PPP1R9A: variants seen among roughly 807,000 people sequenced by gnomAD.
PPP1R9A encodes neurabin-1.
A neutral mutation model predicts 141.9 loss-of-function variants in PPP1R9A; 59 were observed. That is an observed-to-expected ratio of 0.42 (90% CI 0.34 to 0.52). The LOEUF (loss-of-function observed/expected upper bound fraction) is 0.52, where lower values mean the gene tolerates loss of function less well. Among genes scored for constraint, PPP1R9A ranks in the 20% least tolerant of loss-of-function variants. PPP1R9A has a pLI of 0.10. For synonymous variants in PPP1R9A, 500 were observed against 569.7 expected (o/e 0.88, Z 1.74); for missense variants, 1,444 against 1,611.9 (o/e 0.90, Z 1.78).
At chr7:94,934,839 C>T (rs767636884) in intron 2 of PPP1R9A, among the ~76,000 whole-genome samples, 2 of 148,256 alleles carry the variant, frequency 1.3e-5, no homozygotes, top group African/African-American at 2.6e-5. Context: ...TGTATATGTA[C>T]GTATACATAC....
intron 2 of PPP1R9A, among the ~76,000 whole-genome samples, chr7:95,024,247 A>T (rs1250459743): frequency 6.6e-6 from 1 of 152,114 alleles, no homozygotes; most frequent in Non-Finnish European, 1.5e-5. Context: ...CAGAATGTAT[A>T]TTCTGTTGAT....
At position 95,268,425 on chromosome 7, in the gene PPP1R9A, G is replaced by A. The variant is rs945635586; in HGVS notation, c.2666-125G>A. 4 of 1,005,488 alleles carry A rather than the reference G, an allele frequency of 4.0e-6. No individual in the cohort carries two copies. In the African/African-American group the frequency reaches 6.4e-5, roughly 16 times the overall value. 62.3% of individuals were successfully genotyped at this position (1,005,488 alleles called of 1,614,324 possible). Reference sequence around the variant, plus strand: ...CTTGGTTATTTCTTGGTTACAGGCTGTCATGGTGGTCACCTGATCCTTACC... The same window carrying A: ...CTTGGTTATTTCTTGGTTACAGGCTATCATGGTGGTCACCTGATCCTTACC... On this transcript the variant is annotated intron_variant, in intron 12 of 19. Coordinates refer to ENST00000433360, the MANE Select transcript of PPP1R9A (RefSeq NM_001166160.2).
intron 18 of PPP1R9A, 109 bp downstream of exon 18, chr7:95,286,434 GA>G: frequency 6.8e-7 from 1 of 1,469,728 alleles, no homozygotes. Context: ...AAATCATCAG[GA>G]CTGTGGTTTA....
chr7:95,093,890 G>T (rs539950549), intron 2 of PPP1R9A, among the ~76,000 whole-genome samples: 2 of 152,058 alleles, frequency 1.3e-5, no homozygotes, highest in Non-Finnish European at 2.9e-5. Flanking sequence ...TTCAGAAGTG[G>T]TTCTGATTTA....
At chr7:94,934,697 CTACA>C (rs2150874987) in intron 2 of PPP1R9A, among the ~76,000 whole-genome samples, 1 of 151,814 alleles carries the variant, frequency 6.6e-6, no homozygotes, top group East Asian at 1.9e-4. Context: ...GTTTCTGGAA[CTACA>C]TATATGTCTG....
intron 2 of PPP1R9A, among the ~76,000 whole-genome samples, chr7:94,940,977 A>C (rs2150944930): frequency 6.6e-6 from 1 of 152,248 alleles, no homozygotes; most frequent in African/African-American, 2.4e-5. Flanking sequence ...GGCAACAACA[A>C]AATCAGAGAA....
At chr7:94,925,470 T>C (rs1280464284) in intron 2 of PPP1R9A, among the ~76,000 whole-genome samples, 2 of 152,012 alleles carry the variant, frequency 1.3e-5, no homozygotes, top group Non-Finnish European at 2.9e-5. Flanking sequence ...AACTCATTTT[T>C]CCCCCCACAT....
intron 2 of PPP1R9A, among the ~76,000 whole-genome samples, chr7:95,097,520 G>A (rs1818202656): frequency 1.3e-5 from 2 of 152,144 alleles, no homozygotes; most frequent in African/African-American, 4.8e-5. Context: ...TATTTCTTAA[G>A]TGCTACTGTT....
At chr7:95,005,227 T>C (rs1803436452) in intron 2 of PPP1R9A, among the ~76,000 whole-genome samples, 1 of 152,166 alleles carries the variant, frequency 6.6e-6, no homozygotes, top group African/African-American at 2.4e-5. Flanking sequence ...TTATTTCACT[T>C]TGTAATTATA....
rs1364004035 is a variant in PPP1R9A, at chr7:95,252,150, A to C, written c.2665+20A>C. 14 of 1,540,062 alleles carry C rather than the reference A, an allele frequency of 9.1e-6. No homozygotes were observed. The highest frequency in any genetic ancestry group is 1.2e-5 in the Non-Finnish European group (14 of 1,150,644). On this transcript the variant is annotated intron_variant, in intron 12 of 19. Transcript: ENST00000433360. ...GTCAAGGTTTGTTTAACCCAACCACAAAAATCATTTTTGATGACTGTGTAA... is the reference window on the plus strand; with the variant it reads ...GTCAAGGTTTGTTTAACCCAACCACCAAAATCATTTTTGATGACTGTGTAA...
At chr7:95,042,220 A>G (rs1412207690) in intron 2 of PPP1R9A, among the ~76,000 whole-genome samples, 1 of 152,178 alleles carries the variant, frequency 6.6e-6, no homozygotes, top group East Asian at 1.9e-4. Context: ...GGAGGTGTGG[A>G]GTTGTGAGTA....
intron 7 of PPP1R9A, among the ~76,000 whole-genome samples, chr7:95,210,472 T>A (rs1050634207): frequency 2.1e-4 from 32 of 150,474 alleles, no homozygotes; most frequent in South Asian, 4.2e-4. Context: ...TCAAAAAAAT[T>A]TTTTTTTTTT....
intron 4 of PPP1R9A, among the ~76,000 whole-genome samples, chr7:95,152,479 C>A (rs1321856014): frequency 3.3e-5 from 5 of 151,950 alleles, no homozygotes; most frequent in Non-Finnish European, 7.4e-5. Flanking sequence ...CCGTTTTGTC[C>A]CATATGTTAT....
At chr7:95,208,974 A>AAC (rs1369714287) in intron 7 of PPP1R9A, among the ~76,000 whole-genome samples, 8 of 149,906 alleles carry the variant, frequency 5.3e-5, no homozygotes, top group Admixed American at 6.6e-5. Context: ...AAAAAAAAAA[A>AAC]AAAACTCTGA....
Position 95,284,175 on chromosome 7 carries a change from C to T in PPP1R9A, c.3454C>T (p.Pro1152Ser), listed in dbSNP as rs1317373074. ...NLPAPTSSLQ[P>S]SPETLISDKK... ...GCCTGCGCCTACAAGTTCCCTTCAGCCTTCTCCTGAGACTCTAATTTCAGA... is the reference window on the plus strand; with the variant it reads ...GCCTGCGCCTACAAGTTCCCTTCAGTCTTCTCCTGAGACTCTAATTTCAGA... The change falls in exon 17 of 20, where the codon CCT becomes TCT. Residue 1152 changes from proline (P) to serine (S), a missense_variant. By Grantham distance (74) the Pro-to-Ser change is moderately conservative. Coordinates refer to ENST00000433360, the MANE Select transcript of PPP1R9A (RefSeq NM_001166160.2). 1.3e-6 allele frequency: 2 copies of T among 1,586,356 alleles called. No homozygotes were observed. Among genetic ancestry groups the T allele is most frequent in the Non-Finnish European group, 1.7e-6 (2 of 1,167,824 alleles).
intron 12 of PPP1R9A, among the ~76,000 whole-genome samples, chr7:95,254,881 A>G (rs1169641430): frequency 2.6e-5 from 4 of 152,204 alleles, no homozygotes; most frequent in Admixed American, 2.0e-4. Context: ...ACGTTTGACC[A>G]CCATTTGTAT....
chr7:95,043,700 T>C (rs914555110), intron 2 of PPP1R9A, among the ~76,000 whole-genome samples: 3 of 152,230 alleles, frequency 2.0e-5, no homozygotes, highest in African/African-American at 7.2e-5. Context: ...AAATCTGCTT[T>C]TCTTTATCTA....
At chr7:94,934,854 A>C (rs1320654667) in intron 2 of PPP1R9A, among the ~76,000 whole-genome samples, 3 of 148,008 alleles carry the variant, frequency 2.0e-5, no homozygotes, top group Admixed American at 1.3e-4. Flanking sequence ...ACATACACAC[A>C]CACACACACA....
chr7:95,185,754 A>G (rs1256002778), intron 5 of PPP1R9A, among the ~76,000 whole-genome samples: 1 of 151,694 alleles, frequency 6.6e-6, no homozygotes, highest in African/African-American at 2.4e-5. Context: ...TGGCTTTCCA[A>G]TTACCCCAAC....
Sources: allele counts gnomAD v4.1 joint callset (sites outside exome capture counted in the v4.1 genomes callset), GRCh38; gene constraint gnomAD v4.1.1; transcripts MANE v1.5; gene names NCBI Gene and HGNC (gene_info 2026-07-23, HGNC 2026-07-21).